The following MED12L variants were observed in gnomAD, a reference collection of about 807,000 sequenced individuals.
The protein encoded by MED12L is mediator of RNA polymerase II transcription subunit 12-like protein.
MED12L carries 60 observed loss-of-function variants against 281.3 expected under a neutral mutation model. The observed-to-expected ratio is 0.21, with a 90% CI of 0.17 to 0.26. The LOEUF (loss-of-function observed/expected upper bound fraction) is 0.26. Among genes scored for constraint, MED12L ranks in the 10% least tolerant of loss-of-function variants. The pLI, the probability that MED12L is intolerant of heterozygous loss-of-function variation, is 1.00. For missense variants in MED12L, 2,146 were observed against 2,680.9 expected, an observed-to-expected ratio of 0.80 and a Z score of 4.41; for synonymous variants, 974 against 987.2, an observed-to-expected ratio of 0.99 and a Z score of 0.25.
chr3:151,325,009 G>A (rs1749423986), intron 16 of MED12L, among the ~76,000 whole-genome samples: 1 of 152,126 alleles, frequency 6.6e-6, no homozygotes, highest in African/African-American at 2.4e-5. Flanking sequence ...ATTTGCTGAA[G>A]GAATACAGTT....
intron 11 of MED12L, among the ~76,000 whole-genome samples, chr3:151,166,692 T>A (rs1346715109): frequency 2.3e-4 from 35 of 151,124 alleles, no homozygotes; most frequent in Admixed American, 2.2e-3. Flanking sequence ...TTTTTTTTTT[T>A]AAAGACAGAG....
intron 16 of MED12L, among the ~76,000 whole-genome samples, chr3:151,221,021 C>T (rs529631953): frequency 2.0e-5 from 3 of 152,196 alleles, no homozygotes; most frequent in African/African-American, 7.2e-5. Context: ...ACGATAAAGT[C>T]CAGGGTGAGG....
intron 2 of MED12L, among the ~76,000 whole-genome samples, chr3:151,098,949 A>T (rs1324472648): frequency 2.0e-5 from 3 of 152,200 alleles, no homozygotes; most frequent in African/African-American, 7.2e-5. Flanking sequence ...GGTGAAAGCC[A>T]TGTCTTACAT....
chr3:151,309,870 G>A (rs143167949), intron 16 of MED12L, among the ~76,000 whole-genome samples: 2 of 152,278 alleles, frequency 1.3e-5, no homozygotes, highest in East Asian at 3.9e-4. Flanking sequence ...ATTTTGGAAG[G>A]CATATGTCAG....
At chr3:151,237,484 G>T (rs535477255) in intron 16 of MED12L, among the ~76,000 whole-genome samples, 9 of 151,044 alleles carry the variant, frequency 6.0e-5, no homozygotes, top group African/African-American at 2.2e-4. Context: ...CAAGTAGCTG[G>T]GACTACAGGT....
intron 5 of MED12L, among the ~76,000 whole-genome samples, chr3:151,134,720 C>T (rs1715885301): frequency 1.3e-5 from 2 of 152,172 alleles, no homozygotes; most frequent in Admixed American, 6.5e-5. Context: ...CCTAGGAGGA[C>T]ACAGCTGGAG....
In MED12L at chr3:151,122,799, G is replaced by T; in HGVS notation, c.221G>T (p.Ser74Ile). 6.3e-7 allele frequency: 1 copy of T among 1,599,960 alleles called. No homozygotes were observed. Among genetic ancestry groups the T allele is most frequent in the Non-Finnish European group, 8.5e-7 (1 of 1,173,974 alleles). The change falls in exon 4 of 45, where the codon AGC (serine) becomes ATC (isoleucine). Residue 74 changes from serine to isoleucine, a missense_variant. By Grantham distance (142) the Ser-to-Ile change is moderately radical. This residue lies in a region of MED12L where 722 missense variants were observed against 861.2 expected (regional missense o/e 0.84). Transcript: ENST00000687756. The part of the protein sequence containing the change: ...INPSKIGAYF[S>I]SILAEKLKLN... ...TTTCCACAGATTGGAGCTTATTTTA[G>T]CAGCATATTAGCTGAGAAACTGAAG...
intron 6 of MED12L, 125 bp downstream of exon 6, chr3:151,156,455 C>A: frequency 1.1e-6 from 1 of 880,630 alleles, no homozygotes. Flanking sequence ...AGAAAGCAGT[C>A]TGACATTTCT....
intron 42 of MED12L, 43 bp downstream of exon 42, chr3:151,413,338 C>G: frequency 6.3e-7 from 1 of 1,587,710 alleles, no homozygotes; most frequent in Non-Finnish European, 8.6e-7. Flanking sequence ...ACCCTTCAGA[C>G]AGTGCAAATA....
chr3:151,329,046 A>G, intron 16 of MED12L: 1 of 1,427,334 alleles, frequency 7.0e-7, no homozygotes, highest in Non-Finnish European at 9.5e-7. Flanking sequence ...AAAGAAAACA[A>G]AAAGCCCTTC....
In MED12L at chr3:151,217,827, C is replaced by G. The variant is rs1286940172; in HGVS notation, c.2250+24161C>G. On this transcript the variant is annotated intron_variant, in intron 16 of 44. Transcript: ENST00000687756. ...GGGGTTAATGGTGAGAACATACTGT[C>G]TTACGGGTTCAAGTGTCTTAGAGCA... Among the ~76,000 whole-genome samples, 3 of 152,162 alleles carry G rather than the reference C, an allele frequency of 2.0e-5. No homozygotes were observed. The East Asian group carries it at 5.8e-4, about 29-fold the overall frequency.
chr3:151,301,990 A>G (rs1332686600), intron 16 of MED12L, among the ~76,000 whole-genome samples: 1 of 152,266 alleles, frequency 6.6e-6, no homozygotes, highest in East Asian at 1.9e-4. Context: ...AGTTAAAAGC[A>G]GAAAGAAGCC....
intron 16 of MED12L, among the ~76,000 whole-genome samples, chr3:151,202,563 G>A (rs982463308): frequency 6.6e-5 from 10 of 152,146 alleles, no homozygotes; most frequent in South Asian, 2.1e-4. Context: ...CCAGCTACTC[G>A]GGAGGCTGAG....
intron 16 of MED12L, among the ~76,000 whole-genome samples, chr3:151,230,449 C>A (rs1731426367): frequency 6.6e-6 from 1 of 152,122 alleles, no homozygotes; most frequent in South Asian, 2.1e-4. Context: ...AGGTATAATA[C>A]CTGTATGTAA....
intron 32 of MED12L, 48 bp from the exon 33 acceptor site, chr3:151,382,608 A>G (rs1377544993): frequency 7.3e-7 from 1 of 1,375,726 alleles, no homozygotes; most frequent in East Asian, 2.4e-5. Context: ...TTATCTTTAA[A>G]TGAGAGAAAA....
At chr3:151,250,512 T>A (rs1039930623) in intron 16 of MED12L, among the ~76,000 whole-genome samples, 2 of 152,226 alleles carry the variant, frequency 1.3e-5, no homozygotes, top group Non-Finnish European at 2.9e-5. Context: ...CTCATAGAAG[T>A]GGAATCATAC....
At chr3:151,102,914 A>G (rs2148667276) in intron 2 of MED12L, among the ~76,000 whole-genome samples, 1 of 152,332 alleles carries the variant, frequency 6.6e-6, no homozygotes, top group African/African-American at 2.4e-5. Context: ...GAAAGGAGCT[A>G]CATAGTGGCT....
intron 30 of MED12L, 47 bp downstream of exon 30, chr3:151,377,225 G>T (rs1756959090): frequency 2.6e-6 from 4 of 1,514,886 alleles, no homozygotes; most frequent in Non-Finnish European, 3.6e-6. Context: ...TTTTTCACAA[G>T]TAACGGTAAA....
At chr3:151,145,779 A>G (rs927391730) in intron 5 of MED12L, among the ~76,000 whole-genome samples, 2 of 152,176 alleles carry the variant, frequency 1.3e-5, no homozygotes, top group Non-Finnish European at 2.9e-5. Flanking sequence ...CTGTAATTCC[A>G]CATCTCCGTT....
Sources: allele counts gnomAD v4.1 joint callset (sites outside exome capture counted in the v4.1 genomes callset), GRCh38; gene constraint gnomAD v4.1.1; regional missense constraint gnomAD v4.1.1; transcripts MANE v1.5; gene names NCBI Gene and HGNC (gene_info 2026-07-23, HGNC 2026-07-21).